Variants in SDK1 observed in about 807,000 individuals in gnomAD.
SDK1 encodes protein sidekick-1.
Under a neutral mutation model 245.5 loss-of-function variants are expected in SDK1, and 157 were observed. The ratio of observed to expected loss-of-function variants is 0.64; its 90% CI spans 0.56 to 0.73. SDK1 has a LOEUF of 0.73. Among genes scored for constraint, SDK1 ranks in the 30% least tolerant of loss-of-function variants. The probability of loss-of-function intolerance (pLI) is 0.00; values close to 1 mark genes in which losing one functional copy is unlikely to be tolerated. For missense variants in SDK1, 3,583 were observed against 3,002.3 expected (o/e 1.19, Z -4.52); for synonymous variants, 1,647 against 1,278.5 (o/e 1.29, Z -6.15).
intron 30 of SDK1, among the ~76,000 whole-genome samples, chr7:4,158,053 G>A (rs1311961991): frequency 6.6e-6 from 1 of 152,180 alleles, no homozygotes; most frequent in African/African-American, 2.4e-5. Flanking sequence ...GAGCAGTGAT[G>A]TGCCGACTAG....
chr7:3,748,213 TG>T (rs1010045556), intron 4 of SDK1, among the ~76,000 whole-genome samples: 3 of 152,216 alleles, frequency 2.0e-5, no homozygotes, highest in Admixed American at 6.5e-5. Flanking sequence ...GGAAAAATGA[TG>T]TATCTAACAT....
intron 1 of SDK1, among the ~76,000 whole-genome samples, chr7:3,593,093 C>A (rs1014385807): frequency 6.6e-6 from 1 of 152,196 alleles, no homozygotes; most frequent in African/African-American, 2.4e-5. Context: ...TAATGGGGAA[C>A]ATATTTAACT....
At chr7:3,968,306 G>A (rs185591482) in intron 10 of SDK1, among the ~76,000 whole-genome samples, 2 of 152,352 alleles carry the variant, frequency 1.3e-5, no homozygotes, top group East Asian at 1.9e-4. Flanking sequence ...GGCCACTGAA[G>A]GAACAGCACA....
At chr7:3,504,083 G>A (rs1217799291) in intron 1 of SDK1, among the ~76,000 whole-genome samples, 4 of 151,916 alleles carry the variant, frequency 2.6e-5, no homozygotes, top group African/African-American at 9.7e-5. Flanking sequence ...CCGGGAGGCA[G>A]AGGTTGTAGT....
chr7:3,477,519 T>C (rs1413220888), intron 1 of SDK1, among the ~76,000 whole-genome samples: 1 of 150,320 alleles, frequency 6.7e-6, no homozygotes, highest in African/African-American at 2.4e-5. Flanking sequence ...CTTTTTTCTT[T>C]TTTTTTTTTT....
intron 32 of SDK1, among the ~76,000 whole-genome samples, chr7:4,163,851 G>A (rs1199649127): frequency 6.6e-6 from 1 of 152,196 alleles, no homozygotes; most frequent in Non-Finnish European, 1.5e-5. Flanking sequence ...TATGAAATAT[G>A]ACCATGTTTG....
chr7:3,456,668 G>A (rs1780678176), intron 1 of SDK1, among the ~76,000 whole-genome samples: 1 of 151,976 alleles, frequency 6.6e-6, no homozygotes, highest in African/African-American at 2.4e-5. Flanking sequence ...TAAAATCCTT[G>A]TCAGATAATT....
At chr7:4,187,712 C>T (rs1398397419) in intron 35 of SDK1, among the ~76,000 whole-genome samples, 3 of 152,212 alleles carry the variant, frequency 2.0e-5, no homozygotes, top group Non-Finnish European at 4.4e-5. Flanking sequence ...AATCAGGCAG[C>T]ACCAGTCCAA....
intron 29 of SDK1, among the ~76,000 whole-genome samples, chr7:4,148,350 A>G (rs1469535972): frequency 1.3e-5 from 2 of 152,208 alleles, no homozygotes; most frequent in African/African-American, 4.8e-5. Flanking sequence ...CCGCCGCGGA[A>G]CTTCTCTGCT....
At chr7:3,500,276 A>G (rs928168343) in intron 1 of SDK1, among the ~76,000 whole-genome samples, 3 of 151,774 alleles carry the variant, frequency 2.0e-5, no homozygotes, top group South Asian at 2.1e-4. Context: ...TATATCCCCT[A>G]TTTTCTCCTT....
At chr7:3,452,955 C>T (rs1000668352) in intron 1 of SDK1, among the ~76,000 whole-genome samples, 1 of 152,178 alleles carries the variant, frequency 6.6e-6, no homozygotes, top group African/African-American at 2.4e-5. Flanking sequence ...CCCTATTCCA[C>T]CTGATTCATC....
chr7:3,374,922 C>T lies in SDK1; in HGVS notation c.298+73038C>T, dbSNP rs144089390. ...CAGTTTCTTTATAGTCTGTCACTCCCATTGAAGGACACAGACTGTGTCTCT... is the reference window on the plus strand; with the variant it reads ...CAGTTTCTTTATAGTCTGTCACTCCTATTGAAGGACACAGACTGTGTCTCT... On this transcript the variant is annotated intron_variant, in intron 1 of 44. Transcript: ENST00000404826. Among the ~76,000 whole-genome samples, 889 of 152,286 alleles carry T rather than the reference C, an allele frequency of 5.8e-3. 6 individuals are homozygous for T. The highest frequency in any genetic ancestry group is 0.02 in the African/African-American group (840 of 41,540).
chr7:3,752,729 T>C (rs1217392466), intron 4 of SDK1, among the ~76,000 whole-genome samples: 1 of 152,188 alleles, frequency 6.6e-6, no homozygotes, highest in Non-Finnish European at 1.5e-5. Context: ...ATTTTTATTA[T>C]TGTGCATCAT....
chr7:4,251,543 T>G (rs1223892754), intron 44 of SDK1, among the ~76,000 whole-genome samples: 2 of 152,222 alleles, frequency 1.3e-5, no homozygotes, highest in African/African-American at 4.8e-5. Flanking sequence ...GATTAGAAAC[T>G]CACTGCCCAG....
intron 4 of SDK1, among the ~76,000 whole-genome samples, chr7:3,764,740 C>A (rs998025698): frequency 6.6e-6 from 1 of 151,546 alleles, no homozygotes; most frequent in Non-Finnish European, 1.5e-5. Flanking sequence ...TAAAAAAAAT[C>A]AATATAATAT....
At chr7:3,476,285 C>T (rs983587690) in intron 1 of SDK1, among the ~76,000 whole-genome samples, 1 of 152,180 alleles carries the variant, frequency 6.6e-6, no homozygotes, top group Admixed American at 6.5e-5. Flanking sequence ...GATTCCATCA[C>T]CCACAGCTGT....
intron 4 of SDK1, among the ~76,000 whole-genome samples, chr7:3,820,436 C>G (rs769398101): frequency 6.6e-6 from 1 of 152,208 alleles, no homozygotes; most frequent in Non-Finnish European, 1.5e-5. Flanking sequence ...ATGTGAGCCA[C>G]TGCGCTCAGC....
chr7:3,950,341 T>G (rs1286154159), intron 5 of SDK1, among the ~76,000 whole-genome samples: 1 of 152,186 alleles, frequency 6.6e-6, no homozygotes, highest in East Asian at 1.9e-4. Context: ...ACAATAGTCT[T>G]CATTTGTCAT....
Position 3,845,070 on chromosome 7 carries a change from G to C in SDK1, c.847+23487G>C, listed in dbSNP as rs184519014. Among the ~76,000 whole-genome samples the C allele has an allele frequency of 1.0e-3, 155 of 152,316 alleles. 1 individual carries two copies. Among genetic ancestry groups the C allele is most frequent in the Admixed American group, 8.0e-3 (122 of 15,300 alleles). On this transcript the variant is annotated intron_variant, in intron 5 of 44. Transcript: ENST00000404826. Reference sequence around the variant, plus strand: ...GGCAAAGTGGGTCAGCTGCCCAAAGGTGCAGCTTCGGAGAGCGGAGGTCGC... The same window carrying C: ...GGCAAAGTGGGTCAGCTGCCCAAAGCTGCAGCTTCGGAGAGCGGAGGTCGC...
Sources: gnomAD v4.1 joint callset for allele counts (sites outside exome capture counted in the v4.1 genomes callset) on GRCh38, gnomAD v4.1.1 for gene constraint, MANE v1.5 for transcripts, NCBI Gene and HGNC (gene_info 2026-07-23, HGNC 2026-07-21) for gene names.